The following CABLES1 variants were observed in gnomAD, a reference collection of about 807,000 sequenced individuals.
CABLES1 encodes Cdk5 and Abl enzyme substrate 1.
A neutral mutation model predicts 57.8 loss-of-function variants in CABLES1; 36 were observed. The observed-to-expected ratio is 0.62, with a 90% confidence interval of 0.48 to 0.82. CABLES1 has a LOEUF of 0.82. Ranked by LOEUF, CABLES1 falls within the 40% of genes least tolerant of loss-of-function variation. The probability of loss-of-function intolerance (pLI) is 0.00; values close to 1 mark genes in which losing one functional copy is unlikely to be tolerated. For synonymous variants in CABLES1, 374 were observed against 363.0 expected, an observed-to-expected ratio of 1.03 and a Z score of -0.35; for missense variants, 767 against 836.6, an observed-to-expected ratio of 0.92 and a Z score of 1.03.
chr18:23,214,124 C>T (rs778507257), intron 4 of CABLES1, 70 bp downstream of exon 4: 13 of 1,043,730 alleles, frequency 1.2e-5, no homozygotes, highest in Non-Finnish European at 1.9e-5. Context: ...CATAATGTGG[C>T]CATCCTTTCC....
intron 4 of CABLES1, among the ~76,000 whole-genome samples, chr18:23,222,970 C>G (rs563882081): frequency 6.6e-6 from 1 of 152,344 alleles, no homozygotes; most frequent in South Asian, 2.1e-4. Context: ...TGACTCCCCC[C>G]GCATTAGCCT....
intron 1 of CABLES1, among the ~76,000 whole-genome samples, chr18:23,177,183 GC>G (rs2047129459): frequency 6.6e-6 from 1 of 152,072 alleles, no homozygotes; most frequent in African/African-American, 2.4e-5. Flanking sequence ...GCACCAGTGA[GC>G]CCTCACAGTG....
intron 4 of CABLES1, among the ~76,000 whole-genome samples, chr18:23,222,652 A>G (rs887905922): frequency 6.6e-6 from 1 of 151,814 alleles, no homozygotes; most frequent in African/African-American, 2.4e-5. Flanking sequence ...TATTGCCCCA[A>G]CAAAGGACAG....
chr18:23,179,403 C>T (rs947574468), intron 1 of CABLES1, among the ~76,000 whole-genome samples: 2 of 152,234 alleles, frequency 1.3e-5, no homozygotes, highest in East Asian at 1.9e-4. Flanking sequence ...CAGTGACTCC[C>T]CCACCCCAGG....
intron 7 of CABLES1, among the ~76,000 whole-genome samples, chr18:23,241,767 G>T (rs1219550169): frequency 6.6e-6 from 1 of 152,128 alleles, no homozygotes; most frequent in African/African-American, 2.4e-5. Context: ...GTGCGTGTGT[G>T]TCCTAAGTGT....
chr18:23,166,717 G>A (rs184507857), intron 1 of CABLES1, among the ~76,000 whole-genome samples: 8 of 152,276 alleles, frequency 5.3e-5, no homozygotes, highest in African/African-American at 1.9e-4. Context: ...CATATTTAGT[G>A]TTCTTAAAAT....
At chr18:23,161,249 A>G (rs1203800629) in intron 1 of CABLES1, among the ~76,000 whole-genome samples, 2 of 152,110 alleles carry the variant, frequency 1.3e-5, no homozygotes, top group Non-Finnish European at 2.9e-5. Flanking sequence ...AGAGAAAGAA[A>G]GAAAATATTA....
intron 1 of CABLES1, among the ~76,000 whole-genome samples, chr18:23,170,807 T>C (rs1026236980): frequency 2.0e-5 from 3 of 152,118 alleles, no homozygotes; most frequent in African/African-American, 4.8e-5. Context: ...GTTTTTGTTT[T>C]TGTTTTTGAG....
intron 1 of CABLES1, among the ~76,000 whole-genome samples, chr18:23,165,057 G>A (rs963920532): frequency 3.3e-5 from 5 of 152,124 alleles, no homozygotes; most frequent in African/African-American, 1.2e-4. Flanking sequence ...ACAGGCATGA[G>A]CCACCATGTC....
rs1246239751 is a variant in CABLES1 at position 23,135,514 on chromosome 18, G to A, written c.-249G>A. The A allele has an allele frequency of 6.6e-6, 1 of 151,158 alleles. No homozygotes were observed. Among genetic ancestry groups the A allele is most frequent in the Non-Finnish European group, 1.5e-5 (1 of 67,964 alleles). The allele number at this position is 151,158 out of a possible 1,614,324, so 9.4% of individuals were successfully genotyped here. A position where few individuals can be genotyped will look rare whatever the true frequency, so the allele number is the denominator to read the frequency against. On this transcript the variant is annotated 5_prime_UTR_variant, in exon 1 of 10. Transcript: ENST00000256925. ...GCCAGCGGCCAGGCGACCGGCGGGC[G>A]GCCAGCCAGCGAGCCGAACTAGCCG...
chr18:23,164,406 G>T (rs934468071), intron 1 of CABLES1, among the ~76,000 whole-genome samples: 5 of 151,892 alleles, frequency 3.3e-5, no homozygotes, highest in African/African-American at 9.7e-5. Flanking sequence ...TCAGCCCCCA[G>T]TGTAGGGCCA....
chr18:23,247,782 G>A (rs942807044), intron 7 of CABLES1, among the ~76,000 whole-genome samples: 9 of 152,202 alleles, frequency 5.9e-5, no homozygotes, highest in African/African-American at 2.2e-4. Context: ...CAGCAGACAG[G>A]AGGCCAGGAC....
At chr18:23,195,179 G>A (rs1051910154) in intron 3 of CABLES1, among the ~76,000 whole-genome samples, 1 of 152,196 alleles carries the variant, frequency 6.6e-6, no homozygotes, top group African/African-American at 2.4e-5. Flanking sequence ...CAGAATCATT[G>A]TTGCCAGCAT....
At chr18:23,215,206 G>A (rs1047193712) in intron 4 of CABLES1, among the ~76,000 whole-genome samples, 10 of 152,134 alleles carry the variant, frequency 6.6e-5, no homozygotes, top group Non-Finnish European at 1.5e-4. Context: ...CCTGCAGCTC[G>A]GAGGTTTAAG....
In CABLES1 at chr18:23,135,644, C is replaced by G. The variant is rs866167643; in HGVS notation, c.-119C>G. On this transcript the variant is annotated 5_prime_UTR_variant, in exon 1 of 10. Coordinates refer to ENST00000256925, the MANE Select transcript of CABLES1 (RefSeq NM_001100619.3). ...CGCGGGGGGGCTGGACCGCCGCGCA[C>G]GCCGCCCGATCCCCGCGCCCTACCC... The G allele has an allele frequency of 2.5e-4, 221 of 879,568 alleles. No individual in the cohort carries two copies. The highest frequency in any genetic ancestry group is 1.2e-3 in the Middle Eastern group (2 of 1,738). The allele number at this position is 879,568 out of a possible 1,614,324, so 54.5% of individuals were successfully genotyped here. A position where few individuals can be genotyped will look rare whatever the true frequency, so the allele number is the denominator to read the frequency against.
At chr18:23,194,718 G>A (rs1390271002) in intron 3 of CABLES1, among the ~76,000 whole-genome samples, 178 bp downstream of exon 3, 3 of 152,152 alleles carry the variant, frequency 2.0e-5, no homozygotes, top group African/African-American at 7.2e-5. Flanking sequence ...ATCACCAAAA[G>A]CAATCTGTAG....
At chr18:23,257,063 G>A (rs922995875) in intron 9 of CABLES1, 164 bp from the exon 10 acceptor site, 7 of 718,822 alleles carry the variant, frequency 9.7e-6, no homozygotes, top group Non-Finnish European at 1.3e-5. Flanking sequence ...AGGACCGAAG[G>A]CAGGAAGCAC....
chr18:23,141,272 C>T (rs958412405), intron 1 of CABLES1, among the ~76,000 whole-genome samples: 2 of 152,176 alleles, frequency 1.3e-5, no homozygotes, highest in Admixed American at 1.3e-4. Context: ...TCTGCCTGCC[C>T]CTCCCGCTGC....
intron 4 of CABLES1, chr18:23,219,068 C>T (rs1489783558): frequency 4.9e-6 from 2 of 409,878 alleles, no homozygotes; most frequent in Admixed American, 2.7e-5. Context: ...AGTGCCTTGC[C>T]ATACCAGCAT....
Sources: gnomAD v4.1 joint callset for allele counts (sites outside exome capture counted in the v4.1 genomes callset) on GRCh38, gnomAD v4.1.1 for gene constraint, MANE v1.5 for transcripts, NCBI Gene and HGNC (gene_info 2026-07-23, HGNC 2026-07-21) for gene names.